Variants in JPH3 observed in about 807,000 individuals in gnomAD.
JPH3 encodes junctophilin 3, also known as junctophilin-3.
Under a neutral mutation model 59.6 loss-of-function variants are expected in JPH3, and 11 were observed. That is an observed-to-expected ratio of 0.18 (90% CI 0.12 to 0.31). The LOEUF (loss-of-function observed/expected upper bound fraction) is 0.31. Ranked by LOEUF, JPH3 falls within the 10% of genes least tolerant of loss-of-function variation. The pLI is 1.00. For missense variants in JPH3, 1,202 were observed against 1,105.7 expected, an observed-to-expected ratio of 1.09 and a Z score of -1.24; for synonymous variants, 673 against 483.6, an observed-to-expected ratio of 1.39 and a Z score of -5.14.
chr16:87,616,893 C>T (rs957090231), intron 1 of JPH3, among the ~76,000 whole-genome samples: 2 of 152,200 alleles, frequency 1.3e-5, no homozygotes, highest in South Asian at 2.1e-4. Context: ...GTCACTCAGC[C>T]TCATTTGCTG....
At chr16:87,688,975 G>A (rs972642635) in intron 3 of JPH3, among the ~76,000 whole-genome samples, 29 of 152,182 alleles carry the variant, frequency 1.9e-4, no homozygotes, top group African/African-American at 7.0e-4. Context: ...AGGCCTCCGG[G>A]TGGGGGCTGA....
At chr16:87,683,551 G>A (rs926860660) in intron 2 of JPH3, among the ~76,000 whole-genome samples, 6 of 151,826 alleles carry the variant, frequency 4.0e-5, no homozygotes, top group South Asian at 4.1e-4. Context: ...TGATCTGCCC[G>A]CCTCAGCCTC....
intron 1 of JPH3, among the ~76,000 whole-genome samples, chr16:87,610,860 G>A (rs1168542393): frequency 6.6e-6 from 1 of 152,210 alleles, no homozygotes; most frequent in Non-Finnish European, 1.5e-5. Flanking sequence ...AGCATTCATT[G>A]CAAAGTGCAA....
chr16:87,614,357 A>C (rs2030857727), intron 1 of JPH3, among the ~76,000 whole-genome samples: 1 of 151,516 alleles, frequency 6.6e-6, no homozygotes, highest in Non-Finnish European at 1.5e-5. Context: ...GTCCCCTCCA[A>C]GGATAAAGGC....
chr16:87,660,387 G>A (rs1373250928), intron 2 of JPH3, among the ~76,000 whole-genome samples: 1 of 152,132 alleles, frequency 6.6e-6, no homozygotes, highest in African/African-American at 2.4e-5. Flanking sequence ...CAGCCCTGCT[G>A]TAGGGCTGGA....
At chr16:87,615,257 GC>G (rs1319110343) in intron 1 of JPH3, among the ~76,000 whole-genome samples, 5 of 152,212 alleles carry the variant, frequency 3.3e-5, no homozygotes, top group Admixed American at 1.3e-4. Context: ...AGAAAAATAG[GC>G]CGGGATCAGC....
At chr16:87,639,654 GCCTGTCCTCCCT>G (rs66542890) in intron 1 of JPH3, among the ~76,000 whole-genome samples, 39,423 of 149,214 alleles carry the variant, frequency 0.26, 5,565 homozygotes, top group East Asian at 0.34. Flanking sequence ...CTGTCCTCCC[GCCTGTCCTCCCT>G]CCTGTCCTCC....
chr16:87,667,187 A>G (rs1225933217), intron 2 of JPH3, among the ~76,000 whole-genome samples: 2 of 152,030 alleles, frequency 1.3e-5, no homozygotes, highest in South Asian at 2.1e-4. Flanking sequence ...TCTGTCTCTT[A>G]GCTCCCTCTG....
chr16:87,669,894 C>T (rs574955740), intron 2 of JPH3, among the ~76,000 whole-genome samples: 16 of 152,180 alleles, frequency 1.1e-4, no homozygotes, highest in African/African-American at 3.6e-4. Flanking sequence ...GCCGGCCGGC[C>T]TCTCTCGGTG....
intron 2 of JPH3, among the ~76,000 whole-genome samples, chr16:87,647,765 C>G (rs554539788): frequency 1.4e-3 from 212 of 152,310 alleles, no homozygotes; most frequent in African/African-American, 4.9e-3. Context: ...ACCTGTGGAG[C>G]CAGGGTGTAC....
intron 1 of JPH3, among the ~76,000 whole-genome samples, chr16:87,609,148 G>T (rs2030638872): frequency 6.6e-6 from 1 of 152,252 alleles, no homozygotes; most frequent in Non-Finnish European, 1.5e-5. Context: ...TACCCTGTCA[G>T]TCCTTCCTGA....
At chr16:87,681,350 G>A (rs536194448) in intron 2 of JPH3, among the ~76,000 whole-genome samples, 338 of 147,930 alleles carry the variant, frequency 2.3e-3, no homozygotes, top group African/African-American at 8.2e-3. Context: ...GACAGTTCCG[G>A]GAGGTCAGGT....
chr16:87,603,071 G>A lies in JPH3; in HGVS notation c.-76G>A. 6.4e-7 allele frequency: 1 copy of A among 1,571,544 alleles called. No individual in the cohort carries two copies. Among genetic ancestry groups the A allele is most frequent in the Admixed American group, 1.7e-5 (1 of 57,626 alleles). ...AAAACGCTCGCGACCCAGGGCCGCC[G>A]GCGGCCGCGACTCTGCTGTGTCGAT... On this transcript the variant is annotated 5_prime_UTR_variant, in exon 1 of 5. Transcript: ENST00000284262.
chr16:87,665,293 G>A (rs986515443), intron 2 of JPH3, among the ~76,000 whole-genome samples: 5 of 152,240 alleles, frequency 3.3e-5, no homozygotes, highest in African/African-American at 1.2e-4. Context: ...AAGCCCCTGC[G>A]TGGGCTGGCT....
intron 4 of JPH3, chr16:87,696,128 C>T: frequency 2.2e-6 from 1 of 458,336 alleles, no homozygotes; most frequent in Non-Finnish European, 4.4e-6. Flanking sequence ...CAGGGCCTCT[C>T]TGCTGGGCTG....
chr16:87,684,083 C>A, intron 2 of JPH3, 59 bp from the exon 3 acceptor site: 1 of 1,370,292 alleles, frequency 7.3e-7, no homozygotes, highest in Admixed American at 1.7e-5. Flanking sequence ...GTACCTCAAC[C>A]CAGACCCCTG....
chr16:87,616,505 C>T (rs962913723), intron 1 of JPH3, among the ~76,000 whole-genome samples: 5 of 151,838 alleles, frequency 3.3e-5, no homozygotes, highest in Non-Finnish European at 5.9e-5. Context: ...CCACCTCGGC[C>T]TTCCAAAGTG....
At chr16:87,673,666 C>G (rs966060492) in intron 2 of JPH3, among the ~76,000 whole-genome samples, 1 of 152,320 alleles carries the variant, frequency 6.6e-6, no homozygotes, top group South Asian at 2.1e-4. Flanking sequence ...TGGCTCACAC[C>G]TGTAATCCCA....
At chr16:87,678,652 C>T (rs2033210713) in intron 2 of JPH3, among the ~76,000 whole-genome samples, 1 of 152,180 alleles carries the variant, frequency 6.6e-6, no homozygotes, top group African/African-American at 2.4e-5. Context: ...CCTGGCAACT[C>T]ACTTCCAACT....
Sources: allele counts gnomAD v4.1 joint callset (sites outside exome capture counted in the v4.1 genomes callset), GRCh38; gene constraint gnomAD v4.1.1; transcripts MANE v1.5; gene names NCBI Gene and HGNC (gene_info 2026-07-23, HGNC 2026-07-21).